MARCHF1: variants seen among roughly 807,000 people sequenced by gnomAD.
The protein encoded by MARCHF1 is E3 ubiquitin-protein ligase MARCHF1.
Under a neutral mutation model 54.2 loss-of-function variants are expected in MARCHF1, and 40 were observed. The ratio of observed to expected loss-of-function variants is 0.74; its 90% CI spans 0.57 to 0.96. MARCHF1 has a LOEUF of 0.96. Ranked by LOEUF, MARCHF1 falls within the 40% of genes least tolerant of loss-of-function variation. The pLI is 0.00. For synonymous variants in MARCHF1, 236 were observed against 236.3 expected (o/e 1.00, Z 0.01); for missense variants, 586 against 656.5 (o/e 0.89, Z 1.17).
chr4:164,238,732 T>C lies in MARCHF1; in HGVS notation c.-322-127070A>G, dbSNP rs60274896. ...GTTTAATGAATAGTATTTATAAATA[T>C]ATGAAACAAAACCCTAATTAACCAA... On this transcript the variant is annotated intron_variant, in intron 1 of 9. Transcript: ENST00000514618. Among the ~76,000 whole-genome samples the C allele has an allele frequency of 3.0e-3, 450 of 152,126 alleles. 3 individuals are homozygous for C. The highest frequency in any genetic ancestry group is 0.01 in the African/African-American group (435 of 41,560).
chr4:164,095,029 C>T (rs1755380434), intron 2 of MARCHF1, among the ~76,000 whole-genome samples: 2 of 152,102 alleles, frequency 1.3e-5, no homozygotes, highest in South Asian at 2.1e-4. Context: ...TGCCCATTAT[C>T]ATCACTAATT....
chr4:163,594,020 A>C (rs1306679027), intron 7 of MARCHF1, among the ~76,000 whole-genome samples: 1 of 152,170 alleles, frequency 6.6e-6, no homozygotes, highest in Non-Finnish European at 1.5e-5. Flanking sequence ...TATGCATCAG[A>C]CAACTGCAAA....
At chr4:164,220,651 A>C (rs1156534591) in intron 1 of MARCHF1, among the ~76,000 whole-genome samples, 1 of 141,848 alleles carries the variant, frequency 7.0e-6, no homozygotes, top group Non-Finnish European at 1.5e-5. Context: ...ATATATGCAT[A>C]TATGTAATAT....
chr4:164,316,526 T>A (rs188950227), intron 1 of MARCHF1, among the ~76,000 whole-genome samples: 1 of 152,230 alleles, frequency 6.6e-6, no homozygotes, highest in East Asian at 1.9e-4. Flanking sequence ...AAAGACACAA[T>A]AACAAAAGTC....
intron 4 of MARCHF1, among the ~76,000 whole-genome samples, chr4:163,812,285 A>T (rs1579306071): frequency 7.2e-6 from 1 of 138,592 alleles, no homozygotes; most frequent in Non-Finnish European, 1.6e-5. Context: ...AATAACATAT[A>T]TTATATATAT....
chr4:163,852,527 G>A (rs567617629), intron 4 of MARCHF1, among the ~76,000 whole-genome samples: 3 of 152,228 alleles, frequency 2.0e-5, no homozygotes, highest in East Asian at 1.9e-4. Flanking sequence ...TGCTATCCAA[G>A]TGTAACACAT....
chr4:163,898,681 CT>C (rs879759137), intron 3 of MARCHF1, among the ~76,000 whole-genome samples: 5 of 152,136 alleles, frequency 3.3e-5, no homozygotes, highest in Admixed American at 2.0e-4. Flanking sequence ...AATCTCACTA[CT>C]GAGTATCTAC....
chr4:164,108,899 A>G (rs1254875192), intron 2 of MARCHF1, among the ~76,000 whole-genome samples: 1 of 152,100 alleles, frequency 6.6e-6, no homozygotes, highest in Admixed American at 6.6e-5. Context: ...GTGATTTTTA[A>G]AAGTGCTTAT....
At chr4:163,676,890 A>G (rs1210137340) in intron 5 of MARCHF1, among the ~76,000 whole-genome samples, 1 of 152,150 alleles carries the variant, frequency 6.6e-6, no homozygotes, top group Non-Finnish European at 1.5e-5. Context: ...ATTGGATTAA[A>G]AAAGATTTGA....
chr4:164,092,964 A>C (rs182693350), intron 2 of MARCHF1, among the ~76,000 whole-genome samples: 28 of 152,092 alleles, frequency 1.8e-4, no homozygotes, highest in African/African-American at 6.7e-4. Flanking sequence ...AGAATTTAAA[A>C]CCCTCTGTAA....
chr4:163,916,073 C>T (rs1390584291), intron 3 of MARCHF1, among the ~76,000 whole-genome samples: 1 of 152,188 alleles, frequency 6.6e-6, no homozygotes, highest in Non-Finnish European at 1.5e-5. Context: ...CTGCTGTAAA[C>T]TGCCTCAGGG....
At chr4:164,246,794 A>G (rs1486142400) in intron 1 of MARCHF1, among the ~76,000 whole-genome samples, 296 of 126,918 alleles carry the variant, frequency 2.3e-3, no homozygotes, top group East Asian at 0.012. Flanking sequence ...AAAAGTGGGC[A>G]AAGGACATGA....
At chr4:164,312,163 C>T (rs1421540298) in intron 1 of MARCHF1, among the ~76,000 whole-genome samples, 2 of 152,054 alleles carry the variant, frequency 1.3e-5, no homozygotes, top group Admixed American at 1.3e-4. Flanking sequence ...CTCAATCCTC[C>T]AGAAACAGCA....
chr4:163,780,675 T>A (rs948839288), intron 4 of MARCHF1, among the ~76,000 whole-genome samples: 2 of 152,192 alleles, frequency 1.3e-5, no homozygotes, highest in Non-Finnish European at 2.9e-5. Context: ...GAAAATCATA[T>A]TTGAAAAAAG....
At chr4:164,013,748 A>G (rs996674363) in intron 2 of MARCHF1, among the ~76,000 whole-genome samples, 1 of 148,664 alleles carries the variant, frequency 6.7e-6, no homozygotes, top group East Asian at 2.0e-4. Flanking sequence ...TGGAAAAAAA[A>G]ATCTTTCAAC....
In MARCHF1 at chr4:163,746,241, G is replaced by T. The variant is rs1273573423; in HGVS notation, c.112-45378C>A. Among the ~76,000 whole-genome samples, 3 of 152,032 alleles carry T rather than the reference G, an allele frequency of 2.0e-5. No individual in the cohort carries two copies. In the East Asian group the frequency reaches 5.8e-4, roughly 29 times the overall value. ...TCTAGTTTTGCGTTTTCTAGAATAGGTGTAGTTGAACTCAAACAGTACATA... is the reference window on the plus strand; with the variant it reads ...TCTAGTTTTGCGTTTTCTAGAATAGTTGTAGTTGAACTCAAACAGTACATA... On this transcript the variant is annotated intron_variant, in intron 4 of 9. Transcript: ENST00000514618.
At chr4:163,581,770 A>C (rs1740241212) in intron 8 of MARCHF1, among the ~76,000 whole-genome samples, 1 of 152,228 alleles carries the variant, frequency 6.6e-6, no homozygotes, top group Admixed American at 6.5e-5. Context: ...TTGACAGTTA[A>C]TTCACACAGA....
intron 4 of MARCHF1, among the ~76,000 whole-genome samples, chr4:163,815,469 G>T (rs1028535063): frequency 1.6e-4 from 25 of 152,126 alleles, no homozygotes; most frequent in African/African-American, 6.0e-4. Context: ...ATCACAACAG[G>T]CTTTGATGAG....
chr4:163,691,004 G>A (rs1300212812), intron 5 of MARCHF1, among the ~76,000 whole-genome samples: 1 of 152,154 alleles, frequency 6.6e-6, no homozygotes, highest in Non-Finnish European at 1.5e-5. Flanking sequence ...AGGGTCACTT[G>A]CACCTGTTAG....
Sources: gnomAD v4.1 joint callset for allele counts (sites outside exome capture counted in the v4.1 genomes callset) on GRCh38, gnomAD v4.1.1 for gene constraint, MANE v1.5 for transcripts, NCBI Gene and HGNC (gene_info 2026-07-23, HGNC 2026-07-21) for gene names.